The following WDR7 variants were observed in gnomAD, a reference collection of about 807,000 sequenced individuals.
The protein encoded by WDR7 is WD repeat-containing protein 7.
In WDR7, 46 loss-of-function variants were observed where a neutral mutation model predicts 169.4. That is an observed-to-expected ratio of 0.27 (90% CI 0.21 to 0.35). The LOEUF (loss-of-function observed/expected upper bound fraction) is 0.35. Among genes scored for constraint, WDR7 ranks in the 10% least tolerant of loss-of-function variants. The probability of loss-of-function intolerance (pLI) is 1.00; values close to 1 mark genes in which losing one functional copy is unlikely to be tolerated. For missense variants in WDR7, 1,534 were observed against 1,859.3 expected, an observed-to-expected ratio of 0.83 and a Z score of 3.22; for synonymous variants, 612 against 666.8, an observed-to-expected ratio of 0.92 and a Z score of 1.27.
chr18:56,982,712 T>G (rs2047663935), intron 26 of WDR7, among the ~76,000 whole-genome samples: 1 of 152,164 alleles, frequency 6.6e-6, no homozygotes, highest in African/African-American at 2.4e-5. Flanking sequence ...TAAACACAAT[T>G]AGAATTGAGG....
At chr18:56,953,550 G>A (rs990242732) in intron 25 of WDR7, among the ~76,000 whole-genome samples, 15 of 152,378 alleles carry the variant, frequency 9.8e-5, no homozygotes, top group African/African-American at 3.1e-4. Flanking sequence ...TGTCTGTGCT[G>A]TGTGCTATGC....
chr18:56,738,831 GTGT>G (rs2043567563), intron 14 of WDR7, among the ~76,000 whole-genome samples: 1 of 54,124 alleles, frequency 1.8e-5, no homozygotes, highest in East Asian at 4.8e-4. Context: ...TTTGCAAAAT[GTGT>G]TGTTTAACTT....
chr18:56,735,429 C>A (rs1271998374), intron 14 of WDR7, among the ~76,000 whole-genome samples: 1 of 152,050 alleles, frequency 6.6e-6, no homozygotes, highest in Non-Finnish European at 1.5e-5. Context: ...GTGTGCAAGT[C>A]AGCAAAATAC....
At chr18:56,957,764 G>A (rs2047276062) in intron 25 of WDR7, among the ~76,000 whole-genome samples, 1 of 152,040 alleles carries the variant, frequency 6.6e-6, no homozygotes, top group Non-Finnish European at 1.5e-5. Context: ...TTTTGTGTAC[G>A]CTTAGATTTA....
chr18:56,705,020 A>C (rs930830008), intron 12 of WDR7, among the ~76,000 whole-genome samples: 1 of 152,110 alleles, frequency 6.6e-6, no homozygotes, highest in Non-Finnish European at 1.5e-5. Context: ...TTTTTTAGAG[A>C]TGAAGTCTTG....
At chr18:57,032,844 T>TATAC (rs1464286392), downstream of WDR7, 2 of 123,754 alleles carry the variant, frequency 1.6e-5, no homozygotes, top group Non-Finnish European at 3.4e-5. Context: ...TATATATATA[T>TATAC]ACAGTGTAAT....
At chr18:56,845,426 A>C (rs1336897496) in intron 20 of WDR7, among the ~76,000 whole-genome samples, 1 of 152,114 alleles carries the variant, frequency 6.6e-6, no homozygotes, top group African/African-American at 2.4e-5. Flanking sequence ...TTGTAATAGA[A>C]TTTATAAAAA....
intron 16 of WDR7, 109 bp from the exon 17 acceptor site, chr18:56,776,673 C>G: frequency 1.2e-6 from 1 of 848,600 alleles, no homozygotes; most frequent in Non-Finnish European, 2.0e-6. Flanking sequence ...GTTCTACATT[C>G]TCTGTTTTGC....
At chr18:56,719,318 C>G (rs796223172) in intron 13 of WDR7, among the ~76,000 whole-genome samples, 1 of 152,034 alleles carries the variant, frequency 6.6e-6, no homozygotes, top group African/African-American at 2.4e-5. Flanking sequence ...AATCCTAGCA[C>G]TTTGGGAGGC....
At chr18:56,966,165 TA>T (rs2047405725) in intron 26 of WDR7, among the ~76,000 whole-genome samples, 1 of 152,272 alleles carries the variant, frequency 6.6e-6, no homozygotes, top group East Asian at 1.9e-4. Flanking sequence ...TGAGGATTTA[TA>T]ACCAAGGAGC....
At chr18:56,675,684 A>G (rs1257555005) in intron 2 of WDR7, among the ~76,000 whole-genome samples, 1 of 151,474 alleles carries the variant, frequency 6.6e-6, no homozygotes, top group Non-Finnish European at 1.5e-5. Context: ...TCTAATAGGG[A>G]TGCCTTTTAT....
At chr18:56,670,892 A>G (rs1810927882) in intron 1 of WDR7, among the ~76,000 whole-genome samples, 1 of 152,156 alleles carries the variant, frequency 6.6e-6, no homozygotes, top group Non-Finnish European at 1.5e-5. Context: ...GTCTAATGAG[A>G]TCTGAGAGTA....
At chr18:56,881,567 G>A (rs1240383458) in intron 21 of WDR7, among the ~76,000 whole-genome samples, 1 of 151,884 alleles carries the variant, frequency 6.6e-6, no homozygotes, top group Non-Finnish European at 1.5e-5. Flanking sequence ...AGTTGGAAAG[G>A]GCTTAATGAC....
chr18:56,969,875 G>A (rs565767740), intron 26 of WDR7, among the ~76,000 whole-genome samples: 12 of 152,060 alleles, frequency 7.9e-5, no homozygotes, highest in East Asian at 1.9e-4. Flanking sequence ...TATTTATTTC[G>A]TCTTTCTTAC....
At chr18:56,697,080 G>A (rs1284665589) in intron 12 of WDR7, among the ~76,000 whole-genome samples, 1 of 151,544 alleles carries the variant, frequency 6.6e-6, no homozygotes, top group African/African-American at 2.4e-5. Flanking sequence ...TTTTTTTATT[G>A]TTTATTAATC....
chr18:56,842,275 T>A (rs1212260764), intron 20 of WDR7, among the ~76,000 whole-genome samples: 1 of 149,466 alleles, frequency 6.7e-6, no homozygotes, highest in African/African-American at 2.5e-5. Flanking sequence ...TCTTGCTACA[T>A]CATTCCTTCA....
At chr18:56,777,359 G>C (rs897303219) in intron 17 of WDR7, among the ~76,000 whole-genome samples, 1 of 152,150 alleles carries the variant, frequency 6.6e-6, no homozygotes, top group Non-Finnish European at 1.5e-5. Flanking sequence ...ATTATAGACT[G>C]ATAGGAATTT....
intron 13 of WDR7, among the ~76,000 whole-genome samples, chr18:56,728,500 C>T (rs1422381811): frequency 1.3e-5 from 2 of 152,088 alleles, no homozygotes; most frequent in African/African-American, 4.8e-5. Flanking sequence ...GCTTTTTATC[C>T]ATCCTGGCTG....
chr18:56,663,197 G>A (rs2024941562), intron 1 of WDR7, among the ~76,000 whole-genome samples: 1 of 152,134 alleles, frequency 6.6e-6, no homozygotes, highest in Non-Finnish European at 1.5e-5. Context: ...CTTCTCACAG[G>A]CCTGACCTCC....
Sources: allele counts gnomAD v4.1 joint callset (sites outside exome capture counted in the v4.1 genomes callset), GRCh38; gene constraint gnomAD v4.1.1; transcripts MANE v1.5; gene names NCBI Gene and HGNC (gene_info 2026-07-23, HGNC 2026-07-21).